The following MYO3B variants were observed in gnomAD, a reference collection of about 807,000 sequenced individuals.
MYO3B encodes myosin-IIIb.
Under a neutral mutation model 174.6 loss-of-function variants are expected in MYO3B, and 156 were observed. The observed-to-expected ratio is 0.89, with a 90% confidence interval of 0.78 to 1.02. MYO3B has a LOEUF of 1.02. MYO3B is among the 50% of genes least tolerant of loss of function. The probability of loss-of-function intolerance (pLI) is 0.00; values close to 1 mark genes in which losing one functional copy is unlikely to be tolerated. For missense variants in MYO3B, 1,632 were observed against 1,639.4 expected, an observed-to-expected ratio of 1.00 and a Z score of 0.08; for synonymous variants, 563 against 569.1, an observed-to-expected ratio of 0.99 and a Z score of 0.15.
intron 22 of MYO3B, among the ~76,000 whole-genome samples, chr2:170,432,390 C>CA (rs555516025): frequency 2.7e-5 from 4 of 150,638 alleles, no homozygotes; most frequent in Non-Finnish European, 5.9e-5. Context: ...AAAAAGTAAA[C>CA]AAAAAAATCT....
chr2:170,467,633 A>T (rs1684725780), intron 25 of MYO3B, among the ~76,000 whole-genome samples: 1 of 152,122 alleles, frequency 6.6e-6, no homozygotes, highest in Non-Finnish European at 1.5e-5. Context: ...AAGAAAAAAA[A>T]AATACATTGT....
At chr2:170,218,925 C>G (rs1353664199) in intron 6 of MYO3B, among the ~76,000 whole-genome samples, 6 of 152,188 alleles carry the variant, frequency 3.9e-5, no homozygotes, top group Admixed American at 3.9e-4. Context: ...GAATAAAGCT[C>G]TTAATATTCC....
intron 28 of MYO3B, among the ~76,000 whole-genome samples, chr2:170,507,234 A>G (rs1292835216): frequency 6.6e-6 from 1 of 152,076 alleles, no homozygotes; most frequent in Non-Finnish European, 1.5e-5. Flanking sequence ...TGAACTGCAA[A>G]CTAGCCCTCC....
In MYO3B at chr2:170,305,753, T is replaced by A. The variant is rs1054987377; in HGVS notation, c.750-29632T>A. The stretch of plus-strand genomic sequence containing the variant: ...CATTAACAAATAAATAATAAATAAA[T>A]TTTTATCTATTACTTTTCGAAACAG... On this transcript the variant is annotated intron_variant, in intron 7 of 34. Transcript: ENST00000408978. 2.0e-5 allele frequency among the ~76,000 whole-genome samples: 3 copies of A among 152,132 alleles called. No homozygotes were observed. The East Asian group carries it at 5.8e-4, about 29-fold the overall frequency.
At chr2:170,198,445 C>G (rs2092624698) in intron 1 of MYO3B, among the ~76,000 whole-genome samples, 1 of 152,134 alleles carries the variant, frequency 6.6e-6, no homozygotes, top group Admixed American at 6.5e-5. Context: ...TGTTGATATT[C>G]TTTCTGTTTT....
intron 7 of MYO3B, among the ~76,000 whole-genome samples, chr2:170,274,190 GAGAA>G (rs1277718035): frequency 6.6e-6 from 1 of 152,100 alleles, no homozygotes; most frequent in Non-Finnish European, 1.5e-5. Flanking sequence ...CACTGAGAGA[GAGAA>G]AGACAGAGAC....
At chr2:170,228,615 C>A (rs2092978592) in intron 6 of MYO3B, among the ~76,000 whole-genome samples, 1 of 152,142 alleles carries the variant, frequency 6.6e-6, no homozygotes, top group Admixed American at 6.5e-5. Context: ...AGTGTGTGGG[C>A]TGACCTCAAA....
chr2:170,579,669 G>A (rs1347948383), intron 32 of MYO3B, among the ~76,000 whole-genome samples: 1 of 152,214 alleles, frequency 6.6e-6, no homozygotes, highest in Non-Finnish European at 1.5e-5. Flanking sequence ...TGTCAGGGAA[G>A]CAGCCACAGC....
At chr2:170,280,152 A>T (rs929946630) in intron 7 of MYO3B, among the ~76,000 whole-genome samples, 1 of 152,218 alleles carries the variant, frequency 6.6e-6, no homozygotes, top group African/African-American at 2.4e-5. Flanking sequence ...AATAATAGAC[A>T]TTCTGACTGG....
At chr2:170,398,495 G>C (rs1192232326) in intron 16 of MYO3B, among the ~76,000 whole-genome samples, 1 of 152,106 alleles carries the variant, frequency 6.6e-6, no homozygotes, top group Non-Finnish European at 1.5e-5. Flanking sequence ...GCTCCCCAGA[G>C]ATTGGGTTGA....
intron 23 of MYO3B, among the ~76,000 whole-genome samples, chr2:170,456,221 A>G (rs1575007395): frequency 6.6e-6 from 1 of 152,142 alleles, no homozygotes; most frequent in Non-Finnish European, 1.5e-5. Flanking sequence ...AGAACATACA[A>G]TGGCCTGGGA....
chr2:170,315,243 A>T (rs1283644352), intron 7 of MYO3B, among the ~76,000 whole-genome samples: 1 of 152,228 alleles, frequency 6.6e-6, no homozygotes, highest in African/African-American at 2.4e-5. Context: ...GATTTCTCAG[A>T]AATGTGTCAT....
Position 170,207,438 on chromosome 2 carries a change from C to A in MYO3B, c.322-6941C>A, listed in dbSNP as rs966948342. ...TGGGGATAGCTCAAAAGTCTTGAGG[C>A]CTTTTATGTTTGCACAGGAAGAGGG... On this transcript the variant is annotated intron_variant, in intron 3 of 34. Transcript: ENST00000408978. Among the ~76,000 whole-genome samples, 4 of 152,014 alleles carry A rather than the reference C, an allele frequency of 2.6e-5. No homozygotes were observed. In the East Asian group the frequency reaches 7.7e-4, roughly 29 times the overall value.
chr2:170,349,827 A>C (rs1281325440), intron 8 of MYO3B: 1 of 152,462 alleles, frequency 6.6e-6, no homozygotes, highest in African/African-American at 2.4e-5. Context: ...AGAAAGAAAA[A>C]AATTATGCAC....
Position 170,199,380 on chromosome 2 carries a change from G to A in MYO3B, c.175G>A (p.Asp59Asn). 2 of 1,609,662 alleles carry A rather than the reference G, an allele frequency of 1.2e-6. No homozygotes were observed. The highest frequency in any genetic ancestry group is 1.7e-6 in the Non-Finnish European group (2 of 1,177,944). Residue 59 changes from aspartate (D) to asparagine (N), a missense_variant, in exon 2 of 35, where the codon GAT (aspartate) becomes AAT (asparagine). Coordinates refer to ENST00000408978, the MANE Select transcript of MYO3B (RefSeq NM_138995.5). ...GAGCCTGGCTGCAGTGAAAATTCTG[G>A]ATCCAGTCAGTGTAAGTAACAGTTG... ...DGSLAAVKIL[D>N]PVSDMDEEIE...
At chr2:170,614,928 C>T (rs1695352977) in intron 32 of MYO3B, among the ~76,000 whole-genome samples, 1 of 152,198 alleles carries the variant, frequency 6.6e-6, no homozygotes, top group Non-Finnish European at 1.5e-5. Flanking sequence ...TCACCTCCCC[C>T]TCCCTCCCTT....
chr2:170,523,788 GCTT>G (rs1575113817), intron 30 of MYO3B, among the ~76,000 whole-genome samples: 1 of 152,304 alleles, frequency 6.6e-6, no homozygotes, highest in East Asian at 1.9e-4. Flanking sequence ...ATGGAAAGGG[GCTT>G]CTTCTCAGGA....
intron 32 of MYO3B, among the ~76,000 whole-genome samples, chr2:170,623,630 A>G (rs985505188): frequency 3.9e-5 from 6 of 152,182 alleles, no homozygotes; most frequent in African/African-American, 1.4e-4. Context: ...TTGGTGTTTT[A>G]GACATGAAGT....
At chr2:170,232,219 A>G (rs886740422) in intron 6 of MYO3B, among the ~76,000 whole-genome samples, 2 of 152,178 alleles carry the variant, frequency 1.3e-5, no homozygotes, top group African/African-American at 4.8e-5. Context: ...TATTTAACCT[A>G]GAGACAAGGA....
Sources: allele counts gnomAD v4.1 joint callset (sites outside exome capture counted in the v4.1 genomes callset), GRCh38; gene constraint gnomAD v4.1.1; transcripts MANE v1.5; gene names NCBI Gene and HGNC (gene_info 2026-07-23, HGNC 2026-07-21).